Variants in TMEM156 observed in about 807,000 individuals in gnomAD.
TMEM156 encodes the protein transmembrane protein 156.
A neutral mutation model predicts 30.5 loss-of-function variants in TMEM156; 28 were observed. The ratio of observed to expected loss-of-function variants is 0.92; its 90% CI spans 0.68 to 1.26. The LOEUF (loss-of-function observed/expected upper bound fraction) is 1.26, where lower values mean the gene tolerates loss of function less well. Ranked by LOEUF, TMEM156 falls within the 50% of genes most tolerant of loss-of-function variation. The pLI, the probability that TMEM156 is intolerant of heterozygous loss-of-function variation, is 0.00. For synonymous variants in TMEM156, 137 were observed against 119.9 expected, an observed-to-expected ratio of 1.14 and a Z score of -0.93; for missense variants, 351 against 340.6, an observed-to-expected ratio of 1.03 and a Z score of -0.24.
intron 1 of TMEM156, among the ~76,000 whole-genome samples, chr4:39,006,052 T>C (rs890011414): frequency 2.6e-5 from 4 of 152,094 alleles, no homozygotes; most frequent in African/African-American, 7.2e-5. Flanking sequence ...TCTGCCGCCA[T>C]GCCTGGCTAA....
chr4:39,024,832 A>G (rs1715096521), intron 1 of TMEM156, among the ~76,000 whole-genome samples: 1 of 152,236 alleles, frequency 6.6e-6, no homozygotes, highest in African/African-American at 2.4e-5. Flanking sequence ...AAAGTTTTTT[A>G]AAAAACATCT....
At chr4:38,988,186 A>T (rs1246174192) in intron 4 of TMEM156, among the ~76,000 whole-genome samples, 1 of 152,062 alleles carries the variant, frequency 6.6e-6, no homozygotes, top group Non-Finnish European at 1.5e-5. Context: ...TCTGCCTCAC[A>T]CCCGTCACCT....
In TMEM156 at chr4:38,978,754, A is replaced by G. The variant is rs867743615; in HGVS notation, c.823+7582T>C. On this transcript the variant is annotated intron_variant, in intron 5 of 6. Transcript: ENST00000381938. Reference sequence around the variant, plus strand: ...TTGTCAGGCTACCCCTAAAATGGGGAGAAAGTCTCAAGCTATCTGCCAAGG... The same window carrying G: ...TTGTCAGGCTACCCCTAAAATGGGGGGAAAGTCTCAAGCTATCTGCCAAGG... 1.1e-4 allele frequency among the ~76,000 whole-genome samples: 16 copies of G among 152,310 alleles called. No homozygotes were observed. The Middle Eastern group carries it at 0.034, about 324-fold the overall frequency.
In TMEM156 at chr4:38,979,864, C is replaced by T. The variant is rs372750670; in HGVS notation, c.823+6472G>A. 6.5e-4 allele frequency among the ~76,000 whole-genome samples: 99 copies of T among 152,302 alleles called. 1 individual carries two copies. The highest frequency in any genetic ancestry group is 3.4e-3 in the Middle Eastern group (1 of 294). On this transcript the variant is annotated intron_variant, in intron 5 of 6. Coordinates refer to ENST00000381938, the MANE Select transcript of TMEM156 (RefSeq NM_024943.3). ...CAGTGATCTGGCTTCAAAAAACCTT[C>T]CAGTCTTAATTATGTCTCCTTATTA...
At chr4:38,996,267 A>G (rs916618891) in intron 2 of TMEM156, among the ~76,000 whole-genome samples, 4 of 139,708 alleles carry the variant, frequency 2.9e-5, no homozygotes, top group Non-Finnish European at 6.4e-5. Flanking sequence ...ACTAAGAAAA[A>G]AAAAAAAAAG....
chr4:39,012,112 A>G (rs1234340730), intron 1 of TMEM156, among the ~76,000 whole-genome samples: 3 of 152,198 alleles, frequency 2.0e-5, no homozygotes, highest in African/African-American at 4.8e-5. Context: ...CCCAAACCTC[A>G]GCATCACATA....
intron 5 of TMEM156, among the ~76,000 whole-genome samples, chr4:38,979,953 G>T (rs1178797604): frequency 6.6e-6 from 1 of 152,094 alleles, no homozygotes; most frequent in Non-Finnish European, 1.5e-5. Context: ...ACATAAAAAC[G>T]TTGGCAGTTT....
intron 1 of TMEM156, among the ~76,000 whole-genome samples, chr4:39,023,976 C>T (rs1715037680): frequency 6.6e-6 from 1 of 152,208 alleles, no homozygotes; most frequent in Admixed American, 6.5e-5. Flanking sequence ...TCAGATGTTG[C>T]CTTGGGGATG....
intron 1 of TMEM156, among the ~76,000 whole-genome samples, chr4:39,028,941 C>T (rs769491657): frequency 1.4e-4 from 21 of 152,190 alleles, no homozygotes; most frequent in Non-Finnish European, 2.4e-4. Flanking sequence ...AAAAGTCTCA[C>T]ACAGTGTTGA....
chr4:38,974,085 ATG>A (rs1560353675), intron 5 of TMEM156, among the ~76,000 whole-genome samples: 2 of 116,642 alleles, frequency 1.7e-5, no homozygotes. Flanking sequence ...GTGTGTGTGT[ATG>A]TGTGTGTGTG....
At chr4:39,022,746 G>A (rs1714952896) in intron 1 of TMEM156, among the ~76,000 whole-genome samples, 1 of 152,058 alleles carries the variant, frequency 6.6e-6, no homozygotes, top group Non-Finnish European at 1.5e-5. Flanking sequence ...CAGATAGTAG[G>A]CACACCAGAG....
chr4:38,998,969 A>C, intron 1 of TMEM156, 60 bp from the exon 2 acceptor site: 3 of 1,471,550 alleles, frequency 2.0e-6, no homozygotes, highest in Non-Finnish European at 2.7e-6. Context: ...TTGGCATTCA[A>C]ATAAATACAC....
At position 38,980,903 on chromosome 4, in the gene TMEM156, C is replaced by A. The variant is rs939042157; in HGVS notation, c.823+5433G>T. 5 of 982,616 alleles carry A rather than the reference C, an allele frequency of 5.1e-6. No homozygotes were observed. In the African/African-American group the frequency reaches 8.7e-5, roughly 17 times the overall value. The allele number at this position is 982,616 out of a possible 1,614,324, so 60.9% of individuals were successfully genotyped here. A position where few individuals can be genotyped will look rare whatever the true frequency, so the allele number is the denominator to read the frequency against. On this transcript the variant is annotated intron_variant, in intron 5 of 6. Transcript: ENST00000381938. ...TTACCATCAATTCTTCCAGGCCTGA[C>A]ATATATGCCTGTCACGTAAAGGCAT... is the stretch of plus-strand genomic sequence containing the variant.
chr4:38,996,846 C>T (rs1004191107), intron 2 of TMEM156, among the ~76,000 whole-genome samples: 12 of 152,010 alleles, frequency 7.9e-5, no homozygotes, highest in Admixed American at 3.3e-4. Flanking sequence ...ATAGAAACAA[C>T]GTCAATGTCC....
At chr4:38,968,026 T>TG (rs1233702637) in intron 6 of TMEM156, among the ~76,000 whole-genome samples, 2 of 152,240 alleles carry the variant, frequency 1.3e-5, no homozygotes, top group Non-Finnish European at 2.9e-5. Flanking sequence ...TTCCCAAAGT[T>TG]GGGACAGTTA....
chr4:38,985,605 A>G (rs1026913087), intron 5 of TMEM156, among the ~76,000 whole-genome samples: 4 of 151,914 alleles, frequency 2.6e-5, no homozygotes, highest in Admixed American at 2.6e-4. Context: ...TTTTTTTCTA[A>G]CTTCTCACAA....
At chr4:38,968,527 G>T (rs1270303134) in intron 6 of TMEM156, among the ~76,000 whole-genome samples, 1 of 152,172 alleles carries the variant, frequency 6.6e-6, no homozygotes, top group African/African-American at 2.4e-5. Context: ...ACAGTAGGTG[G>T]TCAAAAATCA....
At chr4:38,983,989 A>G (rs180907519) in intron 5 of TMEM156, among the ~76,000 whole-genome samples, 27 of 152,368 alleles carry the variant, frequency 1.8e-4, no homozygotes, top group African/African-American at 6.5e-4. Flanking sequence ...ACAACACTCC[A>G]CAGATAAATA....
chr4:39,028,444 C>T (rs568424751), intron 1 of TMEM156: 3 of 152,320 alleles, frequency 2.0e-5, no homozygotes, highest in South Asian at 4.1e-4. Flanking sequence ...CAAAGACTGA[C>T]GTGGAAGCAA....
Sources: allele counts gnomAD v4.1 joint callset (sites outside exome capture counted in the v4.1 genomes callset), GRCh38; gene constraint gnomAD v4.1.1; transcripts MANE v1.5; gene names NCBI Gene and HGNC (gene_info 2026-07-23, HGNC 2026-07-21).